The following ROBO2 variants were observed in gnomAD, a reference collection of about 807,000 sequenced individuals.
ROBO2 encodes roundabout guidance receptor 2.
ROBO2 carries 53 observed loss-of-function variants against 160.8 expected under a neutral mutation model. The observed-to-expected ratio is 0.33, with a 90% CI of 0.26 to 0.41. ROBO2 has a LOEUF of 0.41. ROBO2 is among the 10% of genes least tolerant of loss of function. The pLI is 1.00. For missense variants in ROBO2, 1,577 were observed against 1,722.4 expected (o/e 0.92, Z 1.49); for synonymous variants, 664 against 611.7 (o/e 1.09, Z -1.26).
chr3:76,396,765 AG>A (rs1237077030), intron 2 of ROBO2, among the ~76,000 whole-genome samples: 1 of 152,218 alleles, frequency 6.6e-6, no homozygotes, highest in East Asian at 1.9e-4. Flanking sequence ...CCAACTTACG[AG>A]GGACGTGAAG....
rs1159415876 is a variant in ROBO2 at position 77,098,044 on chromosome 3, C to T, written c.92C>T (p.Pro31Leu). 3 of 1,583,892 alleles carry T rather than the reference C, an allele frequency of 1.9e-6. No homozygotes were observed. Among genetic ancestry groups the T allele is most frequent in the Non-Finnish European group, 2.6e-6 (3 of 1,159,178 alleles). ...CGTCTTCGCCAGGAGGACTTTCCCCCGCGGATTGTGGAGCATCCTTCCGAT... is the reference window on the plus strand; with the variant it reads ...CGTCTTCGCCAGGAGGACTTTCCCCTGCGGATTGTGGAGCATCCTTCCGAT... The change falls in exon 2 of 26, where the codon CCG becomes CTG. Residue 31 changes from proline to leucine, a missense_variant. Physicochemically the swap from Pro to Leu is moderately conservative, Grantham distance 98. Transcript: ENST00000461745.
chr3:77,437,080 C>CTTGCATAG (rs1322114673), intron 2 of ROBO2, among the ~76,000 whole-genome samples: 2 of 151,824 alleles, frequency 1.3e-5, no homozygotes, highest in African/African-American at 4.8e-5. Flanking sequence ...TTCTGAATAC[C>CTTGCATAG]TTGCATAGTC....
intron 2 of ROBO2, among the ~76,000 whole-genome samples, chr3:76,544,204 T>C (rs1245722845): frequency 6.6e-6 from 1 of 151,988 alleles, no homozygotes; most frequent in African/African-American, 2.4e-5. Flanking sequence ...CCTTCCTACT[T>C]TTCTTCACCT....
chr3:76,073,850 C>T (rs1227219514), intron 2 of ROBO2, among the ~76,000 whole-genome samples: 1 of 151,968 alleles, frequency 6.6e-6, no homozygotes, highest in Non-Finnish European at 1.5e-5. Context: ...CAAATGTGAA[C>T]AAGGGTTCCC....
At position 76,487,313 on chromosome 3, in the gene ROBO2, A is replaced by T. The variant is rs138405777; in HGVS notation, c.109+549711A>T. Among the ~76,000 whole-genome samples, 201 of 152,114 alleles carry T rather than the reference A, an allele frequency of 1.3e-3. 3 individuals carry two copies. The East Asian group carries it at 0.038, about 29-fold the overall frequency. On this transcript the variant is annotated intron_variant, in intron 2 of 26. Transcript: ENST00000487694. The stretch of plus-strand genomic sequence containing the variant: ...ATATTGTTCTGCTTTCTGTCCCGTC[A>T]CATCCTTTTTATGATAGTGGACCTC...
At position 77,551,122 on chromosome 3, in the gene ROBO2, C is replaced by A. The variant is rs3796291; in HGVS notation, c.1231+133C>A. 504,184 of 928,882 alleles carry A rather than the reference C, an allele frequency of 0.54. 139,478 individuals carry two copies. Among genetic ancestry groups the A allele is most frequent in the Middle Eastern group, 0.62 (1,978 of 3,178 alleles). The allele number at this position is 928,882 out of a possible 1,614,324, so 57.5% of individuals were successfully genotyped here. A position where few individuals can be genotyped will look rare whatever the true frequency, so the allele number is the denominator to read the frequency against. On this transcript the variant is annotated intron_variant, in intron 8 of 25. Coordinates refer to ENST00000461745, the Ensembl canonical transcript of ROBO2. ...TTATCTTTTAAGTTTGAATCCAGGTCACATTCTTTTGGTAGTTTCTAATTC... is the reference window on the plus strand; with the variant it reads ...TTATCTTTTAAGTTTGAATCCAGGTAACATTCTTTTGGTAGTTTCTAATTC...
chr3:77,183,242 A>G (rs2080962309), intron 2 of ROBO2, among the ~76,000 whole-genome samples: 1 of 152,062 alleles, frequency 6.6e-6, no homozygotes, highest in African/African-American at 2.4e-5. Context: ...GAAATCTAGA[A>G]TTCCACATTC....
rs558706010 is a variant in ROBO2, at chr3:77,636,244, AG to A, written c.3934+1204del. 1.1e-4 allele frequency among the ~76,000 whole-genome samples: 17 copies of A among 152,250 alleles called. 1 individual carries two copies. In the South Asian group the frequency reaches 3.5e-3, roughly 32 times the overall value. ...TAAATATCTTTGGCTTTTGGGACAT[AG>A]GGTCTCTGTCACAACTACTCAACAC... On this transcript the variant is annotated intron_variant, in intron 24 of 25. Transcript: ENST00000461745.
intron 2 of ROBO2, among the ~76,000 whole-genome samples, chr3:76,395,000 C>A (rs1410670903): frequency 6.6e-6 from 1 of 152,128 alleles, no homozygotes; most frequent in South Asian, 2.1e-4. Context: ...CAGAACTCTC[C>A]ACCCCAAATC....
intron 2 of ROBO2, among the ~76,000 whole-genome samples, chr3:77,386,847 C>T (rs1299468527): frequency 6.6e-6 from 1 of 151,884 alleles, no homozygotes; most frequent in East Asian, 1.9e-4. Context: ...AGATGACCCA[C>T]CTGCCTTGGC....
chr3:76,163,933 T>C (rs1036121387), intron 2 of ROBO2, among the ~76,000 whole-genome samples: 1 of 152,188 alleles, frequency 6.6e-6, no homozygotes, highest in Non-Finnish European at 1.5e-5. Flanking sequence ...ACCACATTAA[T>C]TGACTCCTTC....
At chr3:76,441,323 T>A (rs577576285) in intron 2 of ROBO2, among the ~76,000 whole-genome samples, 5 of 152,314 alleles carry the variant, frequency 3.3e-5, no homozygotes, top group African/African-American at 1.2e-4. Context: ...ATAATATATG[T>A]CAGTACTTGA....
chr3:76,921,716 C>T (rs2076673767), intron 2 of ROBO2, among the ~76,000 whole-genome samples: 1 of 152,008 alleles, frequency 6.6e-6, no homozygotes, highest in Admixed American at 6.6e-5. Context: ...TTTGGTGAAG[C>T]ACCATTCTTG....
At chr3:76,145,893 A>G (rs539342328) in intron 2 of ROBO2, among the ~76,000 whole-genome samples, 3 of 152,138 alleles carry the variant, frequency 2.0e-5, no homozygotes, top group Non-Finnish European at 4.4e-5. Context: ...TTCACACACT[A>G]AACTTTGCAT....
intron 2 of ROBO2, among the ~76,000 whole-genome samples, chr3:76,118,373 T>G (rs961792617): frequency 3.3e-5 from 5 of 152,178 alleles, no homozygotes; most frequent in African/African-American, 1.2e-4. Flanking sequence ...ACACCCAAAT[T>G]CATATACATA....
Position 77,415,581 on chromosome 3 carries a change from A to T in ROBO2, c.389-61833A>T, listed in dbSNP as rs574508517. ...GGCTTCACTCGGCTCTGGGCTCGCC[A>T]CTGGGCTCATTCCACCCACTTGGCC... On this transcript the variant is annotated intron_variant, in intron 2 of 25. Transcript: ENST00000461745. Among the ~76,000 whole-genome samples the T allele has an allele frequency of 3.3e-5, 5 of 152,262 alleles. No individual in the cohort carries two copies. In the South Asian group the frequency reaches 1.0e-3, roughly 32 times the overall value.
intron 5 of ROBO2, among the ~76,000 whole-genome samples, chr3:77,517,529 T>A (rs757384514): frequency 4.0e-5 from 6 of 151,636 alleles, no homozygotes; most frequent in Non-Finnish European, 5.9e-5. Flanking sequence ...ATCAGATTTA[T>A]GTTTATCAAT....
intron 2 of ROBO2, among the ~76,000 whole-genome samples, chr3:77,212,625 G>T (rs1378610619): frequency 6.6e-6 from 1 of 152,162 alleles, no homozygotes; most frequent in Non-Finnish European, 1.5e-5. Flanking sequence ...GAATAGGAGT[G>T]GTGAGAGAGG....
intron 11 of ROBO2, among the ~76,000 whole-genome samples, 175 bp downstream of exon 12, chr3:77,563,504 A>T (rs1234156671): frequency 6.6e-6 from 1 of 152,134 alleles, no homozygotes; most frequent in African/African-American, 2.4e-5. Context: ...TTAGTTTACA[A>T]CTTAATTATA....
Sources: allele counts gnomAD v4.1 joint callset (sites outside exome capture counted in the v4.1 genomes callset), GRCh38; gene constraint gnomAD v4.1.1; transcripts MANE v1.5; gene names NCBI Gene and HGNC (gene_info 2026-07-23, HGNC 2026-07-21).